WDR5: variants seen among roughly 807,000 people sequenced by gnomAD.
WDR5 encodes WD repeat-containing protein 5.
For missense variants in WDR5, 187 were observed against 416.9 expected (o/e 0.45, Z 4.80); for synonymous variants, 144 against 161.6 (o/e 0.89, Z 0.83).
At chr9:134,138,273 C>T (rs1037929355) in intron 1 of WDR5, among the ~76,000 whole-genome samples, 1 of 152,172 alleles carries the variant, frequency 6.6e-6, no homozygotes, top group South Asian at 2.1e-4. Context: ...CTGCCTATTT[C>T]GCCTTCTGTT....
intron 2 of WDR5, among the ~76,000 whole-genome samples, chr9:134,140,402 T>G (rs1831822221): frequency 6.7e-6 from 1 of 149,624 alleles, no homozygotes; most frequent in African/African-American, 2.4e-5. Flanking sequence ...ACAGGTGGGA[T>G]TGAGGTGGGG....
chr9:134,143,757 C>T (rs960286755), intron 7 of WDR5, among the ~76,000 whole-genome samples: 6 of 151,856 alleles, frequency 4.0e-5, no homozygotes, highest in Middle Eastern at 3.4e-3. Context: ...GCTCGTGATC[C>T]TCCCGCCTTG....
chr9:134,149,093 G>C (rs753281015), intron 8 of WDR5, among the ~76,000 whole-genome samples: 20 of 152,218 alleles, frequency 1.3e-4, no homozygotes, highest in Admixed American at 5.2e-4. Context: ...GAACCCTCAG[G>C]TGGACACGCA....
upstream of WDR5, chr9:134,135,548 C>G (rs1429338294): frequency 1.3e-5 from 2 of 152,248 alleles, no homozygotes; most frequent in African/African-American, 4.8e-5. Context: ...TGTGAACGCG[C>G]AGGTTCCTGG....
Position 134,158,088 on chromosome 9 carries a change from T to TG in WDR5, c.*100dup. The TG allele has an allele frequency of 5.2e-6, 6 of 1,155,054 alleles. No homozygotes were observed. Among genetic ancestry groups the TG allele is most frequent in the Non-Finnish European group, 7.7e-6 (6 of 776,744 alleles). The allele number at this position is 1,155,054 out of a possible 1,614,324, so 71.6% of individuals were successfully genotyped here. A position where few individuals can be genotyped will look rare whatever the true frequency, so the allele number is the denominator to read the frequency against. ...GGAGGTGGTCCCCCAGATCTGCGCC[T>TG]GGGGGTCAGGACAGGGCCTGATTTG... On this transcript the variant is annotated 3_prime_UTR_variant, in exon 14 of 14. Coordinates refer to ENST00000358625, the MANE Select transcript of WDR5 (RefSeq NM_017588.3).
At chr9:134,142,131 C>A in intron 5 of WDR5, 93 bp downstream of exon 5, 2 of 1,177,326 alleles carry the variant, frequency 1.7e-6, no homozygotes, top group South Asian at 1.3e-5. Context: ...GTAAGCAACA[C>A]TCAGCGCTCC....
chr9:134,149,942 C>T (rs897234416), intron 8 of WDR5, among the ~76,000 whole-genome samples: 8 of 152,152 alleles, frequency 5.3e-5, no homozygotes, highest in African/African-American at 1.7e-4. Flanking sequence ...GAGCAGTCAC[C>T]GCTGAAGAGG....
intron 1 of WDR5, among the ~76,000 whole-genome samples, chr9:134,137,053 G>C (rs1831599969): frequency 6.6e-6 from 1 of 152,202 alleles, no homozygotes; most frequent in South Asian, 2.1e-4. Context: ...TTAAGATGCA[G>C]ATTAATTCCT....
At chr9:134,139,784 G>C in intron 1 of WDR5, 36 bp from the exon 2 acceptor site, 1 of 1,323,026 alleles carries the variant, frequency 7.6e-7, no homozygotes, top group Non-Finnish European at 1.1e-6. Flanking sequence ...AATATAGTTT[G>C]TTTCTTGGCT....
intron 12 of WDR5, 80 bp from the exon 13 acceptor site, chr9:134,156,426 C>A: frequency 1.4e-6 from 2 of 1,411,588 alleles, no homozygotes; most frequent in Non-Finnish European, 2.0e-6. Flanking sequence ...CAGGGCATAA[C>A]TGGAGATTCT....
intron 11 of WDR5, 47 bp downstream of exon 11, chr9:134,155,420 C>T (rs1832703898): frequency 6.4e-7 from 1 of 1,566,274 alleles, no homozygotes; most frequent in African/African-American, 1.4e-5. Flanking sequence ...ATCCCTGGGT[C>T]ATGGCCTCTG....
intron 7 of WDR5, among the ~76,000 whole-genome samples, chr9:134,146,525 C>T (rs568083933): frequency 5.9e-5 from 9 of 152,358 alleles, no homozygotes; most frequent in South Asian, 2.1e-4. Context: ...CGTAAGCCAC[C>T]GCGCCCGGCC....
At chr9:134,151,383 A>C (rs34259931) in intron 8 of WDR5, among the ~76,000 whole-genome samples, 11,675 of 152,074 alleles carry the variant, frequency 0.077, 918 homozygotes, top group African/African-American at 0.2. Flanking sequence ...TCCACGTGTG[A>C]CCCGAGCCTG....
intron 9 of WDR5, 55 bp from the exon 10 acceptor site, chr9:134,154,411 G>C: frequency 1.9e-6 from 3 of 1,588,592 alleles, no homozygotes; most frequent in Non-Finnish European, 1.7e-6. Context: ...CCCACCTCCT[G>C]TCCCTGCCTG....
chr9:134,155,515 G>T (rs1377943974), intron 11 of WDR5, 142 bp downstream of exon 11: 1 of 1,326,998 alleles, frequency 7.5e-7, no homozygotes, highest in South Asian at 1.4e-5. Context: ...ATTCCTGAAA[G>T]ACCTGGGTAT....
chr9:134,138,410 C>G (rs572109041), intron 1 of WDR5, among the ~76,000 whole-genome samples: 35 of 152,322 alleles, frequency 2.3e-4, no homozygotes, highest in African/African-American at 5.5e-4. Flanking sequence ...CTTAGTTCCT[C>G]TCTCTCCCTG....
rs142336242 is a variant in WDR5, at chr9:134,143,254, C to T, written c.528+535C>T. Among the ~76,000 whole-genome samples the T allele has an allele frequency of 4.0e-3, 605 of 152,284 alleles. 2 individuals are homozygous for T. Among genetic ancestry groups the T allele is most frequent in the African/African-American group, 0.014 (576 of 41,572 alleles). On this transcript the variant is annotated intron_variant, in intron 7 of 13. Coordinates refer to ENST00000358625, the MANE Select transcript of WDR5 (RefSeq NM_017588.3). ...GTTGCCACTGTGCAAACCAAACGGCCGAGAGGCCGGGCGTGGCGGCTCACG... is the reference window on the plus strand; with the variant it reads ...GTTGCCACTGTGCAAACCAAACGGCTGAGAGGCCGGGCGTGGCGGCTCACG...
At chr9:134,149,164 G>C (rs192273223) in intron 8 of WDR5, among the ~76,000 whole-genome samples, 6 of 152,148 alleles carry the variant, frequency 3.9e-5, no homozygotes, top group African/African-American at 1.4e-4. Context: ...GATCCCCAGG[G>C]GGTCACAGTC....
rs1831941765 is a variant in WDR5, at chr9:134,142,438, G to C, written c.444+16G>C. 1.9e-6 allele frequency: 3 copies of C among 1,613,554 alleles called. No individual in the cohort carries two copies. Among genetic ancestry groups the C allele is most frequent in the Non-Finnish European group, 2.5e-6 (3 of 1,179,612 alleles). On this transcript the variant is annotated intron_variant, in intron 6 of 13. Coordinates refer to ENST00000358625, the MANE Select transcript of WDR5 (RefSeq NM_017588.3). ...CTCAGGATCCGTAAGTGTGGCTGGGGTGTCTTCCCTGGGGGAGGTGGTGTC... is the reference window on the plus strand; with the variant it reads ...CTCAGGATCCGTAAGTGTGGCTGGGCTGTCTTCCCTGGGGGAGGTGGTGTC...
Sources: allele counts gnomAD v4.1 joint callset (sites outside exome capture counted in the v4.1 genomes callset), GRCh38; gene constraint gnomAD v4.1.1; transcripts MANE v1.5; gene names NCBI Gene and HGNC (gene_info 2026-07-23, HGNC 2026-07-21).